The following IMMP2L variants were observed in gnomAD, a reference collection of about 807,000 sequenced individuals.
IMMP2L encodes the protein inner mitochondrial membrane peptidase subunit 2, also known as mitochondrial inner membrane protease subunit 2.
Under a neutral mutation model 19.3 loss-of-function variants are expected in IMMP2L, and 18 were observed. The ratio of observed to expected loss-of-function variants is 0.93; its 90% CI spans 0.64 to 1.38. The LOEUF is 1.38. IMMP2L is among the 40% of genes most tolerant of loss of function. IMMP2L has a pLI of 0.00. For synonymous variants in IMMP2L, 76 were observed against 73.0 expected (o/e 1.04, Z -0.21); for missense variants, 233 against 218.2 (o/e 1.07, Z -0.43).
intron 1 of IMMP2L, among the ~76,000 whole-genome samples, chr7:111,555,415 C>T (rs1791164161): frequency 6.6e-6 from 1 of 151,014 alleles, no homozygotes; most frequent in Admixed American, 6.6e-5. Flanking sequence ...TTTTGCAAGC[C>T]GGGAAGGAGT....
At chr7:111,113,889 A>C (rs1799534202) in intron 3 of IMMP2L, among the ~76,000 whole-genome samples, 1 of 152,176 alleles carries the variant, frequency 6.6e-6, no homozygotes, top group African/African-American at 2.4e-5. Flanking sequence ...AAATCATAAG[A>C]ATGAGCTTTT....
At position 110,663,400 on chromosome 7, in the gene IMMP2L, T is replaced by A; in HGVS notation, c.*202A>T. On this transcript the variant is annotated 3_prime_UTR_variant, in exon 6 of 6. Coordinates refer to ENST00000405709, the MANE Select transcript of IMMP2L (RefSeq NM_032549.4). ...GCATTAAACAACAGGGAACTAAAAT[T>A]TAACACAAAATCAGGTGCCATTTAA... 2.2e-6 allele frequency: 1 copy of A among 455,112 alleles called. No individual in the cohort carries two copies. Among genetic ancestry groups the A allele is most frequent in the South Asian group, 2.9e-5 (1 of 34,824 alleles). 28.2% of individuals were successfully genotyped at this position (455,112 alleles called of 1,614,324 possible).
intron 3 of IMMP2L, among the ~76,000 whole-genome samples, chr7:111,357,034 C>A (rs1828780642): frequency 6.6e-6 from 1 of 151,948 alleles, no homozygotes; most frequent in African/African-American, 2.4e-5. Context: ...AAAAAAAGCA[C>A]ATATATGCAA....
At chr7:111,354,938 T>C (rs1828548542) in intron 3 of IMMP2L, among the ~76,000 whole-genome samples, 1 of 151,892 alleles carries the variant, frequency 6.6e-6, no homozygotes, top group South Asian at 2.1e-4. Flanking sequence ...TCCTGGACCC[T>C]AATCTCAATA....
chr7:111,535,620 T>C (rs1847818112), intron 1 of IMMP2L, among the ~76,000 whole-genome samples: 1 of 152,176 alleles, frequency 6.6e-6, no homozygotes, highest in Admixed American at 6.6e-5. Flanking sequence ...TATTTAATTA[T>C]ACCCAACCCA....
chr7:111,503,974 A>C (rs1844604073), intron 2 of IMMP2L, among the ~76,000 whole-genome samples: 1 of 152,226 alleles, frequency 6.6e-6, no homozygotes, highest in Non-Finnish European at 1.5e-5. Context: ...TGGCCAGTGC[A>C]ATCAGGCAGG....
intron 3 of IMMP2L, among the ~76,000 whole-genome samples, chr7:111,221,306 A>T (rs147853004): frequency 0.011 from 1,623 of 152,192 alleles, 32 homozygotes; most frequent in African/African-American, 0.036. Flanking sequence ...ATATCACAAG[A>T]CTACTTGAAA....
intron 5 of IMMP2L, among the ~76,000 whole-genome samples, chr7:110,851,429 G>C (rs188194811): frequency 3.3e-5 from 5 of 152,270 alleles, no homozygotes; most frequent in African/African-American, 1.2e-4. Flanking sequence ...TGGGAGACAG[G>C]AGACAGCAGA....
intron 5 of IMMP2L, among the ~76,000 whole-genome samples, chr7:110,856,341 C>A (rs149153957): frequency 1.3e-5 from 2 of 152,014 alleles, no homozygotes; most frequent in South Asian, 2.1e-4. Flanking sequence ...GATTACCACA[C>A]GTTGTAAGTA....
chr7:110,819,733 A>G (rs1802858670), intron 5 of IMMP2L, among the ~76,000 whole-genome samples: 1 of 152,096 alleles, frequency 6.6e-6, no homozygotes, highest in South Asian at 2.1e-4. Flanking sequence ...AGGAGCTCAG[A>G]ATGGGGAAAA....
chr7:111,380,102 GA>G (rs1336362219), intron 3 of IMMP2L, among the ~76,000 whole-genome samples: 5 of 151,782 alleles, frequency 3.3e-5, no homozygotes, highest in African/African-American at 1.2e-4. Context: ...TATTTGTCAG[GA>G]AAAAATAATA....
chr7:111,521,881 G>C (rs1179730086), intron 1 of IMMP2L, among the ~76,000 whole-genome samples: 1 of 152,072 alleles, frequency 6.6e-6, no homozygotes, highest in Non-Finnish European at 1.5e-5. Context: ...AGCTAATTGT[G>C]ACCATGTCAC....
intron 3 of IMMP2L, among the ~76,000 whole-genome samples, chr7:111,145,455 G>A (rs556840860): frequency 2.6e-5 from 4 of 152,030 alleles, no homozygotes; most frequent in South Asian, 2.1e-4. Flanking sequence ...ATTAATTATC[G>A]GAGACCAAAC....
intron 3 of IMMP2L, among the ~76,000 whole-genome samples, chr7:111,027,745 T>C (rs1000597250): frequency 2.0e-5 from 3 of 152,134 alleles, no homozygotes; most frequent in African/African-American, 7.2e-5. Flanking sequence ...TAATACTGTT[T>C]CTCTATGTGT....
chr7:111,018,047 G>C, intron 3 of IMMP2L, among the ~76,000 whole-genome samples: 1 of 152,126 alleles, frequency 6.6e-6, no homozygotes, highest in East Asian at 1.9e-4. Flanking sequence ...TCAATCACTT[G>C]CAAGTTACAG....
At chr7:110,979,247 C>A (rs886437384) in intron 3 of IMMP2L, among the ~76,000 whole-genome samples, 1 of 152,024 alleles carries the variant, frequency 6.6e-6, no homozygotes, top group Non-Finnish European at 1.5e-5. Context: ...CTGGCTATCG[C>A]TACAAATTTG....
chr7:110,842,856 A>G (rs1805236568), intron 5 of IMMP2L, among the ~76,000 whole-genome samples: 1 of 152,188 alleles, frequency 6.6e-6, no homozygotes. Flanking sequence ...GCTTAATTGC[A>G]GGAAAGCAAT....
At chr7:110,941,396 G>A (rs984306633) in intron 4 of IMMP2L, among the ~76,000 whole-genome samples, 3 of 152,072 alleles carry the variant, frequency 2.0e-5, no homozygotes, top group African/African-American at 7.2e-5. Flanking sequence ...CTATTCTTTG[G>A]AGGTCTTCTG....
chr7:111,078,576 A>G (rs1474918907), intron 3 of IMMP2L, among the ~76,000 whole-genome samples: 3 of 152,218 alleles, frequency 2.0e-5, no homozygotes, highest in East Asian at 3.9e-4. Flanking sequence ...AATATTTTCT[A>G]CTATGCAAGG....
Sources: allele counts gnomAD v4.1 joint callset (sites outside exome capture counted in the v4.1 genomes callset), GRCh38; gene constraint gnomAD v4.1.1; transcripts MANE v1.5; gene names NCBI Gene and HGNC (gene_info 2026-07-23, HGNC 2026-07-21).